Variants in ARHGAP32 observed in about 807,000 individuals in gnomAD.
ARHGAP32 encodes rho GTPase-activating protein 32.
Under a neutral mutation model 186.5 loss-of-function variants are expected in ARHGAP32, and 51 were observed. That is an observed-to-expected ratio of 0.27 (90% CI 0.22 to 0.35). The LOEUF is 0.35. Among genes scored for constraint, ARHGAP32 ranks in the 10% least tolerant of loss-of-function variants. ARHGAP32 has a pLI of 1.00. For synonymous variants in ARHGAP32, 950 were observed against 964.3 expected (o/e 0.99, Z 0.27); for missense variants, 2,186 against 2,623.5 (o/e 0.83, Z 3.64).
intron 10 of ARHGAP32, among the ~76,000 whole-genome samples, chr11:129,042,149 TTTTTTTG>T (rs979003598): frequency 4.3e-4 from 65 of 152,130 alleles, no homozygotes; most frequent in African/African-American, 1.5e-3. Context: ...AGATTATCAG[TTTTTTTG>T]TTTTTTGTTT....
At chr11:129,163,517 C>G (rs1402282740) in intron 2 of ARHGAP32, among the ~76,000 whole-genome samples, 2 of 152,110 alleles carry the variant, frequency 1.3e-5, no homozygotes, top group Non-Finnish European at 2.9e-5. Flanking sequence ...AAACTTGAAG[C>G]CATTCTTAAT....
At chr11:128,996,818 G>A (rs150183499) in intron 12 of ARHGAP32, among the ~76,000 whole-genome samples, 56 of 151,320 alleles carry the variant, frequency 3.7e-4, no homozygotes, top group Non-Finnish European at 6.8e-4. Flanking sequence ...GTCTTGCTCC[G>A]TCGCCCAGGC....
At chr11:129,221,506 TGTGTGTGTGTGTG>T in intron 1 of ARHGAP32, among the ~76,000 whole-genome samples, 1 of 142,966 alleles carries the variant, frequency 7.0e-6, no homozygotes, top group South Asian at 2.3e-4. Flanking sequence ...TGTGTGTGTG[TGTGTGTGTGTGTG>T]TGTGTGTGTG....
intron 1 of ARHGAP32, among the ~76,000 whole-genome samples, chr11:129,201,591 T>C (rs1944454934): frequency 6.6e-6 from 1 of 152,160 alleles, no homozygotes; most frequent in South Asian, 2.1e-4. Context: ...TATATAATTG[T>C]TAAATAAAAT....
At chr11:128,992,197 C>T (rs1946076528) in intron 12 of ARHGAP32, among the ~76,000 whole-genome samples, 1 of 152,140 alleles carries the variant, frequency 6.6e-6, no homozygotes, top group Non-Finnish European at 1.5e-5. Flanking sequence ...TCATACAACA[C>T]AGAAATATGT....
intron 2 of ARHGAP32, among the ~76,000 whole-genome samples, chr11:129,162,514 A>G (rs1218945833): frequency 6.6e-6 from 1 of 152,190 alleles, no homozygotes; most frequent in African/African-American, 2.4e-5. Flanking sequence ...AACAGTCAGC[A>G]TGGGACAACT....
At chr11:129,172,528 G>A (rs1016776797) in intron 1 of ARHGAP32, among the ~76,000 whole-genome samples, 4 of 152,080 alleles carry the variant, frequency 2.6e-5, no homozygotes, top group Admixed American at 6.5e-5. Flanking sequence ...TTCTAAAAAC[G>A]AACACATAAT....
chr11:129,214,126 T>A (rs1163897619), intron 1 of ARHGAP32, among the ~76,000 whole-genome samples: 1 of 151,954 alleles, frequency 6.6e-6, no homozygotes, highest in Non-Finnish European at 1.5e-5. Flanking sequence ...AAGGAAAGTC[T>A]GAGAAACTGT....
intron 1 of ARHGAP32, among the ~76,000 whole-genome samples, chr11:129,230,344 G>A (rs1944841217): frequency 6.6e-6 from 1 of 152,132 alleles, no homozygotes. Context: ...AAATGTTTCA[G>A]ATGTTATTGA....
chr11:129,154,959 T>C (rs1356382440), intron 2 of ARHGAP32, among the ~76,000 whole-genome samples: 1 of 152,236 alleles, frequency 6.6e-6, no homozygotes, highest in Non-Finnish European at 1.5e-5. Flanking sequence ...CTATTTTGTA[T>C]AGCCCTTGAG....
At chr11:129,077,213 G>A (rs1248973340) in intron 6 of ARHGAP32, among the ~76,000 whole-genome samples, 2 of 152,162 alleles carry the variant, frequency 1.3e-5, no homozygotes, top group Non-Finnish European at 2.9e-5. Context: ...ATAGACCACA[G>A]GAAAAAGGAA....
At chr11:129,157,028 C>A (rs1364514061) in intron 2 of ARHGAP32, among the ~76,000 whole-genome samples, 1 of 152,136 alleles carries the variant, frequency 6.6e-6, no homozygotes, top group Non-Finnish European at 1.5e-5. Flanking sequence ...AAAGGAATAG[C>A]ATCAACATTA....
intron 6 of ARHGAP32, among the ~76,000 whole-genome samples, chr11:129,072,361 T>C (rs1004972061): frequency 6.6e-6 from 1 of 152,232 alleles, no homozygotes; most frequent in Non-Finnish European, 1.5e-5. Flanking sequence ...ACATTCATGA[T>C]ACAGTTCCAT....
intron 11 of ARHGAP32, among the ~76,000 whole-genome samples, chr11:129,035,279 A>T (rs1280287423): frequency 6.6e-6 from 1 of 152,126 alleles, no homozygotes; most frequent in Non-Finnish European, 1.5e-5. Flanking sequence ...TTCTGTACAC[A>T]CAAATAATTG....
At chr11:129,087,645 G>A (rs942711493) in intron 6 of ARHGAP32, among the ~76,000 whole-genome samples, 1 of 152,162 alleles carries the variant, frequency 6.6e-6, no homozygotes, top group Non-Finnish European at 1.5e-5. Context: ...TATTCTGTAT[G>A]ATACTATACT....
chr11:129,276,590 G>C (rs1161261625), intron 1 of ARHGAP32, among the ~76,000 whole-genome samples: 1 of 152,170 alleles, frequency 6.6e-6, no homozygotes, highest in Non-Finnish European at 1.5e-5. Flanking sequence ...AGAGGTGTAA[G>C]CCACCCTGCC....
In ARHGAP32 at chr11:128,978,833, A is replaced by G; in HGVS notation, c.2059T>C (p.Ser687Pro). 6.2e-7 allele frequency: 1 copy of G among 1,613,286 alleles called. No homozygotes were observed. The highest frequency in any genetic ancestry group is 8.5e-7 in the Non-Finnish European group (1 of 1,179,654). ...FFNLGKSSSV[S>P]KRKLQRNESE... ...TCATTCCGCTGCAGCTTTCGTTTAG[A>G]AACAGATGATGATTTCCCCAAGTTG... Residue 687 changes from serine to proline, a missense_variant, in exon 19 of 23, where the codon TCT (serine) becomes CCT (proline). Transcript: ENST00000682385.
chr11:129,214,865 G>C (rs551513501), intron 1 of ARHGAP32, among the ~76,000 whole-genome samples: 2 of 152,266 alleles, frequency 1.3e-5, no homozygotes, highest in East Asian at 3.9e-4. Context: ...CTCCATCTTC[G>C]TAGAAGGACA....
chr11:128,973,921 G>A, intron 21 of ARHGAP32: 1 of 602,428 alleles, frequency 1.7e-6, no homozygotes, highest in Admixed American at 3.3e-5. Context: ...GTGAAGATTT[G>A]AAGCAGGACC....
Sources: allele counts gnomAD v4.1 joint callset (sites outside exome capture counted in the v4.1 genomes callset), GRCh38; gene constraint gnomAD v4.1.1; transcripts MANE v1.5; gene names NCBI Gene and HGNC (gene_info 2026-07-23, HGNC 2026-07-21).